The following SQOR variants were observed in gnomAD, a reference collection of about 807,000 sequenced individuals.
SQOR encodes the protein sulfide:quinone oxidoreductase, mitochondrial.
Under a neutral mutation model 48.6 loss-of-function variants are expected in SQOR, and 39 were observed. The ratio of observed to expected loss-of-function variants is 0.80; its 90% CI spans 0.62 to 1.05. The LOEUF is 1.05. Ranked by LOEUF, SQOR falls within the 50% of genes least tolerant of loss-of-function variation. The probability of loss-of-function intolerance (pLI) is 0.00; values close to 1 mark genes in which losing one functional copy is unlikely to be tolerated. For synonymous variants in SQOR, 220 were observed against 206.2 expected (o/e 1.07, Z -0.57); for missense variants, 561 against 559.9 (o/e 1.00, Z -0.02).
chr15:45,660,058 C>T (rs1889692109), intron 2 of SQOR, among the ~76,000 whole-genome samples: 2 of 152,220 alleles, frequency 1.3e-5, no homozygotes, highest in African/African-American at 4.8e-5. Flanking sequence ...GGAGGGAAGA[C>T]TGAGTAAGGC....
intron 5 of SQOR, among the ~76,000 whole-genome samples, chr15:45,674,603 A>G (rs1890003569): frequency 6.6e-6 from 1 of 152,210 alleles, no homozygotes; most frequent in African/African-American, 2.4e-5. Flanking sequence ...TTGGGTATAC[A>G]TTAAAAAAAT....
intron 1 of SQOR, among the ~76,000 whole-genome samples, chr15:45,650,613 A>T (rs1018068266): frequency 4.6e-5 from 7 of 152,208 alleles, no homozygotes; most frequent in Admixed American, 4.6e-4. Context: ...TTATTCCCTT[A>T]TCTGGCCCCA....
At chr15:45,688,951 C>A in intron 8 of SQOR, 88 bp from the exon 9 acceptor site, 6 of 1,026,840 alleles carry the variant, frequency 5.8e-6, no homozygotes, top group Admixed American at 2.6e-5. Context: ...AATATATAAG[C>A]ACTCACAGCA....
At position 45,680,554 on chromosome 15, in the gene SQOR, A is replaced by G. The variant is rs1023756089; in HGVS notation, c.865-1924A>G. Among the ~76,000 whole-genome samples the G allele has an allele frequency of 4.6e-5, 7 of 151,880 alleles. No individual in the cohort carries two copies. In the South Asian group the frequency reaches 8.3e-4, roughly 18 times the overall value. ...CCTCAATCTCCTGAGGAGCTGGGAC[A>G]ACAGGCATGTGCTACTATGCCTAGA... is the stretch of plus-strand genomic sequence containing the variant. On this transcript the variant is annotated intron_variant, in intron 6 of 9. Transcript: ENST00000260324.
At position 45,683,057 on chromosome 15, in the gene SQOR, A is replaced by C. The variant is rs76723175; in HGVS notation, c.1048+396A>C. Among the ~76,000 whole-genome samples, 757 of 150,950 alleles carry C rather than the reference A, an allele frequency of 5.0e-3. 9 individuals carry two copies. The highest frequency in any genetic ancestry group is 0.018 in the African/African-American group (731 of 41,008). On this transcript the variant is annotated intron_variant, in intron 7 of 9. Coordinates refer to ENST00000260324, the MANE Select transcript of SQOR (RefSeq NM_021199.4). ...AAAAAAAAAAAGGCCTTCCTAAGAC[A>C]GAAGCAAGTTGTCAATGAACCCAGT...
intron 1 of SQOR, among the ~76,000 whole-genome samples, chr15:45,650,261 G>C (rs565053524): frequency 6.6e-6 from 1 of 152,154 alleles, no homozygotes; most frequent in East Asian, 1.9e-4. Context: ...TACTGTGTCC[G>C]GAATTGGTGG....
rs1355418539 is a variant in SQOR, at chr15:45,689,105, TACAAAGCAGAGCCGCTAGAAAC to T, written c.1184_1205del (p.Tyr395SerfsTer16). 1.2e-6 allele frequency: 2 copies of T among 1,614,066 alleles called. No individual in the cohort carries two copies. The highest frequency in any genetic ancestry group is 4.5e-5 in the East Asian group (2 of 44,896). On this transcript the variant is annotated frameshift_variant, in exon 9 of 10. Transcript: ENST00000260324. LOFTEE classifies it high-confidence loss of function. Reference sequence around the variant, plus strand: ...CCGTGTGATTCTTGCTGAGTTTGACTACAAAGCAGAGCCGCTAGAAACCTTCCCCTTTGATCAAAGCAAAGAG... The same window carrying T: ...CCGTGTGATTCTTGCTGAGTTTGACTCTTCCCCTTTGATCAAAGCAAAGAG...
At chr15:45,660,886 T>C (rs1889705178) in intron 2 of SQOR, among the ~76,000 whole-genome samples, 2 of 152,118 alleles carry the variant, frequency 1.3e-5, no homozygotes, top group Admixed American at 1.3e-4. Flanking sequence ...TTGAGAGCTC[T>C]TGGTCCCCAG....
intron 8 of SQOR, 38 bp downstream of exon 8, chr15:45,688,442 A>G: frequency 2.1e-6 from 3 of 1,428,842 alleles, no homozygotes; most frequent in Non-Finnish European, 2.9e-6. Context: ...CTCAATGATC[A>G]TCTTCCATTC....
At chr15:45,680,649 C>T (rs1244756629) in intron 6 of SQOR, among the ~76,000 whole-genome samples, 2 of 151,868 alleles carry the variant, frequency 1.3e-5, no homozygotes, top group Admixed American at 6.6e-5. Context: ...CTCCTGAGCT[C>T]AAGCGATCTG....
At chr15:45,658,807 G>A in intron 1 of SQOR, 100 bp from the exon 2 acceptor site, 1 of 924,336 alleles carries the variant, frequency 1.1e-6, no homozygotes. Context: ...ACCAGCTGGA[G>A]CGGGCCAGAT....
chr15:45,646,001 G>A (rs962036713), intron 1 of SQOR: 1 of 152,156 alleles, frequency 6.6e-6, no homozygotes, highest in African/African-American at 2.4e-5. Context: ...GACTCACCAA[G>A]GATACAGGTA....
intron 7 of SQOR, 143 bp downstream of exon 7, chr15:45,682,804 G>C: frequency 3.3e-6 from 3 of 897,540 alleles, no homozygotes; most frequent in Non-Finnish European, 5.0e-6. Context: ...CAGGCAGGCA[G>C]GTCATTTGAG....
At chr15:45,650,158 G>C (rs1889447146) in intron 1 of SQOR, among the ~76,000 whole-genome samples, 1 of 152,050 alleles carries the variant, frequency 6.6e-6, no homozygotes, top group South Asian at 2.1e-4. Context: ...TTAAGCCTTT[G>C]CAATGTGGTC....
At chr15:45,679,375 A>G (rs1890087458) in intron 6 of SQOR, among the ~76,000 whole-genome samples, 1 of 152,122 alleles carries the variant, frequency 6.6e-6, no homozygotes, top group Non-Finnish European at 1.5e-5. Flanking sequence ...AATTCCCCTA[A>G]TGACTAATGT....
intron 9 of SQOR, among the ~76,000 whole-genome samples, chr15:45,689,855 T>C (rs1453440687): frequency 6.6e-6 from 1 of 151,944 alleles, no homozygotes; most frequent in Non-Finnish European, 1.5e-5. Context: ...TTATGGCCAT[T>C]AGCAGTGTCA....
chr15:45,662,746 G>A (rs1889744483), intron 3 of SQOR, among the ~76,000 whole-genome samples: 1 of 152,202 alleles, frequency 6.6e-6, no homozygotes, highest in South Asian at 2.1e-4. Flanking sequence ...AGAGCAGGAT[G>A]GTGGAAGGCC....
At chr15:45,662,186 T>C in intron 3 of SQOR, 61 bp downstream of exon 3, 2 of 1,570,970 alleles carry the variant, frequency 1.3e-6, no homozygotes, top group Non-Finnish European at 8.7e-7. Context: ...TATGCAGCCA[T>C]CTTAAACTGG....
At chr15:45,671,451 C>T (rs1239852781) in intron 4 of SQOR, among the ~76,000 whole-genome samples, 1 of 152,140 alleles carries the variant, frequency 6.6e-6, no homozygotes. Context: ...AACCACTGCA[C>T]CCAGCCAGGA....
Sources: gnomAD v4.1 joint callset for allele counts (sites outside exome capture counted in the v4.1 genomes callset) on GRCh38, gnomAD v4.1.1 for gene constraint, MANE v1.5 for transcripts, NCBI Gene and HGNC (gene_info 2026-07-23, HGNC 2026-07-21) for gene names.